Variants in COL3A1 observed in about 807,000 individuals in gnomAD.
The protein encoded by COL3A1 is collagen alpha-1(III) chain.
A neutral mutation model predicts 200.9 loss-of-function variants in COL3A1; 46 were observed. The observed-to-expected ratio is 0.23, with a 90% CI of 0.18 to 0.29. The LOEUF is 0.29. Among genes scored for constraint, COL3A1 ranks in the 10% least tolerant of loss-of-function variants. The pLI, the probability that COL3A1 is intolerant of heterozygous loss-of-function variation, is 1.00. For missense variants in COL3A1, 1,367 were observed against 1,917.6 expected, an observed-to-expected ratio of 0.71 and a Z score of 5.36; for synonymous variants, 650 against 628.0, an observed-to-expected ratio of 1.03 and a Z score of -0.52.
At position 189,011,770 on chromosome 2, in the gene COL3A1, T is replaced by A. The variant is rs1156449702; in HGVS notation, c.4397T>A (p.Leu1466Ter). 1 of 1,613,978 alleles carries A rather than the reference T, an allele frequency of 6.2e-7. No homozygotes were observed. The highest frequency in any genetic ancestry group is 2.2e-5 in the East Asian group (1 of 44,872). The change falls in exon 51 of 51, where the codon TTA (leucine) becomes TAA (stop). Residue 1466 changes from leucine (L) to a stop codon, truncating the protein, a stop_gained. Coordinates refer to ENST00000304636, the MANE Select transcript of COL3A1 (RefSeq NM_000090.4). LOFTEE classifies it high-confidence loss of function. ...GTGGACGTTGGCCCTGTTTGCTTTT[T>A]ATAAACCAAACTCTATCTGAAATCC... is the stretch of plus-strand genomic sequence containing the variant. ...FGVDVGPVCF[L>*]
Position 189,004,335 on chromosome 2 carries a change from A to G in COL3A1, c.2902A>G (p.Arg968Gly). Residue 968 changes from arginine to glycine, a missense_variant, in exon 40 of 51, where the codon AGG becomes GGG. This residue lies in a region of COL3A1 where 846 missense variants were observed against 1,147.9 expected (regional missense o/e 0.74). Transcript: ENST00000304636. The stretch of plus-strand genomic sequence containing the variant: ...AGGACCACCAGGCATGCCAGGTCCT[A>G]GGGGAAGCCCTGGCCCTCAGGGTGT... Reference protein sequence around the residue: ...LAGPPGMPGPRGSPGPQGVKG... With the variant: ...LAGPPGMPGPGGSPGPQGVKG... The G allele has an allele frequency of 6.2e-7, 1 of 1,605,092 alleles. No individual in the cohort carries two copies. Among genetic ancestry groups the G allele is most frequent in the Non-Finnish European group, 8.5e-7 (1 of 1,176,172 alleles).
chr2:188,991,283 A>T (rs951484337), intron 11 of COL3A1, among the ~76,000 whole-genome samples: 1 of 152,198 alleles, frequency 6.6e-6, no homozygotes, highest in Non-Finnish European at 1.5e-5. Context: ...AGTATAACTT[A>T]TCAATTACTT....
intron 34 of COL3A1, 111 bp downstream of exon 34, chr2:189,001,700 G>C (rs1030261986): frequency 2.8e-6 from 3 of 1,077,056 alleles, no homozygotes; most frequent in Non-Finnish European, 4.3e-6. Flanking sequence ...TCAATTTGGA[G>C]ATATTATCTT....
intron 5 of COL3A1, 79 bp downstream of exon 5, chr2:188,987,218 G>A: frequency 1.7e-6 from 2 of 1,181,176 alleles, no homozygotes; most frequent in Non-Finnish European, 2.5e-6. Context: ...TGCTCTTCTA[G>A]GAATTCAGTA....
intron 10 of COL3A1, 112 bp downstream of exon 10, chr2:188,990,472 T>C (rs532521677): frequency 1.1e-6 from 1 of 915,994 alleles, no homozygotes; most frequent in Non-Finnish European, 1.7e-6. Context: ...GACAATTAAT[T>C]AATTTGATAT....
intron 48 of COL3A1, 58 bp downstream of exon 48, chr2:189,009,279 A>G (rs1688667832): frequency 6.2e-7 from 1 of 1,600,136 alleles, no homozygotes; most frequent in Non-Finnish European, 8.6e-7. Context: ...AGCTGCTTAG[A>G]TTAGAATGGG....
At position 189,004,238 on chromosome 2, in the gene COL3A1, T is replaced by A. The variant is rs780225276; in HGVS notation, c.2824-19T>A. The stretch of plus-strand genomic sequence containing the variant: ...CACTGTCACATAAAGATGAGCTAAG[T>A]CTTCATTATCTGTATTAGGGAGCTC... On this transcript the variant is annotated intron_variant, in intron 39 of 50. Coordinates refer to ENST00000304636, the MANE Select transcript of COL3A1 (RefSeq NM_000090.4). 5.0e-6 allele frequency: 8 copies of A among 1,600,172 alleles called. No homozygotes were observed. The highest frequency in any genetic ancestry group is 1.3e-5 in the African/African-American group (1 of 74,848).
At chr2:188,996,018 T>C in intron 22 of COL3A1, 107 bp from the exon 23 acceptor site, 1 of 1,154,948 alleles carries the variant, frequency 8.7e-7, no homozygotes, top group Non-Finnish European at 1.3e-6. Flanking sequence ...TGTGCAAATC[T>C]GAGGCTTCAC....
At chr2:188,978,778 A>G (rs1305105536) in intron 1 of COL3A1, among the ~76,000 whole-genome samples, 2 of 130,940 alleles carry the variant, frequency 1.5e-5, no homozygotes, top group African/African-American at 5.6e-5. Context: ...AAAAAAAAAG[A>G]TCATATAGTG....
At chr2:188,978,756 CAAAAAA>C (rs55694521) in intron 1 of COL3A1, among the ~76,000 whole-genome samples, 2 of 87,810 alleles carry the variant, frequency 2.3e-5, no homozygotes, top group Non-Finnish European at 4.8e-5. Context: ...TTTCCACACT[CAAAAAA>C]AAAAAAAAAA....
intron 12 of COL3A1, 68 bp from the exon 13 acceptor site, chr2:188,991,601 C>T (rs879134056): frequency 3.7e-6 from 6 of 1,606,186 alleles, no homozygotes; most frequent in Non-Finnish European, 2.6e-6. Flanking sequence ...ACTGGCTTTG[C>T]TCCCACCCCA....
chr2:188,997,070 G>A (rs1416850300), intron 24 of COL3A1, 95 bp from the exon 25 acceptor site: 24 of 801,588 alleles, frequency 3.0e-5, no homozygotes, highest in Non-Finnish European at 4.5e-5. Context: ...ATATATATAT[G>A]AGACATATAT....
rs1411979870 is a variant in COL3A1, at chr2:189,011,756, C to T, written c.4383C>T (p.Gly1461=). 1 of 1,613,888 alleles carries T rather than the reference C, an allele frequency of 6.2e-7. No individual in the cohort carries two copies. The highest frequency in any genetic ancestry group is 1.1e-5 in the South Asian group (1 of 91,072). ...GPDQEFGVDV[G]PVCFL is the part of the protein sequence containing the mutation. ...ATCAAGAATTTGGTGTGGACGTTGG[C>T]CCTGTTTGCTTTTTATAAACCAAAC... Residue 1461 remains glycine (G), a synonymous_variant, in exon 51 of 51, where the codon GGC becomes GGT. Transcript: ENST00000304636.
At chr2:188,990,771 T>A (rs990810544) in intron 10 of COL3A1, among the ~76,000 whole-genome samples, 7 of 152,192 alleles carry the variant, frequency 4.6e-5, no homozygotes, top group Admixed American at 1.3e-4. Flanking sequence ...TGCTACTCTA[T>A]AGTTAAGGCA....
At chr2:188,986,302 A>G (rs1688062947) in intron 4 of COL3A1, among the ~76,000 whole-genome samples, 1 of 152,088 alleles carries the variant, frequency 6.6e-6, no homozygotes, top group Non-Finnish European at 1.5e-5. Context: ...TGCAGGTAAA[A>G]CAACCAAACA....
At chr2:188,998,796 A>T (rs1353053166) in intron 29 of COL3A1, 78 bp downstream of exon 29, 1 of 1,289,346 alleles carries the variant, frequency 7.8e-7, no homozygotes, top group African/African-American at 1.5e-5. Context: ...TAGTATATCA[A>T]GCCAAAATAC....
chr2:189,009,248 T>C, intron 48 of COL3A1, 27 bp downstream of exon 48: 3 of 1,613,450 alleles, frequency 1.9e-6, no homozygotes, highest in Non-Finnish European at 2.5e-6. Context: ...TTCATCTTCA[T>C]GGCAATAGGA....
rs1688622334 is a variant in COL3A1 at position 189,007,588 on chromosome 2, C to G, written c.3344C>G (p.Pro1115Arg). The G allele has an allele frequency of 3.1e-6, 5 of 1,612,302 alleles. No homozygotes were observed. Among genetic ancestry groups the G allele is most frequent in the Non-Finnish European group, 4.2e-6 (5 of 1,179,220 alleles). The change falls in exon 45 of 51, where the codon CCA becomes CGA. Residue 1115 changes from proline to arginine, a missense_variant. Pro to Arg is a moderately radical substitution (Grantham distance 103). This residue lies in a region of COL3A1 where 846 missense variants were observed against 1,147.9 expected (regional missense o/e 0.74). Transcript: ENST00000304636. ...GGACATCGAGGATTCCCTGGTAATC[C>G]AGGTGCCCCAGGTTCTCCAGTAAGT... Reference protein sequence around the residue: ...IKGHRGFPGNPGAPGSPGPAG... With the variant: ...IKGHRGFPGNRGAPGSPGPAG...
rs754830945 is a variant in COL3A1, at chr2:189,008,138, C to T, written c.3521C>T (p.Ser1174Phe). The T allele has an allele frequency of 1.9e-6, 3 of 1,611,648 alleles. No homozygotes were observed. In the East Asian group the frequency reaches 6.7e-5, roughly 36 times the overall value. Residue 1174 changes from serine (S) to phenylalanine (F), a missense_variant, in exon 47 of 51, where the codon TCT (serine) becomes TTT (phenylalanine). Coordinates refer to ENST00000304636, the MANE Select transcript of COL3A1 (RefSeq NM_000090.4). ...CGAGGTAACAGAGGTGAAAGAGGATCTGAGGTAAGACATCACTTATACGTA... is the reference window on the plus strand; with the variant it reads ...CGAGGTAACAGAGGTGAAAGAGGATTTGAGGTAAGACATCACTTATACGTA... Reference protein sequence around the residue: ...GPRGNRGERGSEGSPGHPGQP... With the variant: ...GPRGNRGERGFEGSPGHPGQP...
Sources: allele counts gnomAD v4.1 joint callset (sites outside exome capture counted in the v4.1 genomes callset), GRCh38; gene constraint gnomAD v4.1.1; regional missense constraint gnomAD v4.1.1; transcripts MANE v1.5; gene names NCBI Gene and HGNC (gene_info 2026-07-23, HGNC 2026-07-21).